Variants in CTSD observed in about 807,000 individuals in gnomAD.
The protein encoded by CTSD is cathepsin D.
In CTSD, 28 loss-of-function variants were observed where a neutral mutation model predicts 43.6. That is an observed-to-expected ratio of 0.64 (90% CI 0.48 to 0.88). The LOEUF (loss-of-function observed/expected upper bound fraction) is 0.88. Ranked by LOEUF, CTSD falls within the 40% of genes least tolerant of loss-of-function variation. CTSD has a pLI of 0.00. For missense variants in CTSD, 485 were observed against 555.2 expected (o/e 0.87, Z 1.27); for synonymous variants, 270 against 249.8 (o/e 1.08, Z -0.76).
intron 1 of CTSD, chr11:1,761,932 C>T (rs906918489): frequency 1.3e-5 from 3 of 226,368 alleles, no homozygotes; most frequent in African/African-American, 6.8e-5. Flanking sequence ...CCCCATCACA[C>T]CTGCTCTCCA....
chr11:1,762,855 T>C (rs1845899241), intron 1 of CTSD, among the ~76,000 whole-genome samples: 1 of 152,182 alleles, frequency 6.6e-6, no homozygotes. Context: ...CCCACAGCCT[T>C]TGGTGAGGCT....
chr11:1,754,608 T>C (rs768270682), intron 6 of CTSD, among the ~76,000 whole-genome samples: 1 of 79,088 alleles, frequency 1.3e-5, no homozygotes, highest in Non-Finnish European at 2.5e-5. Context: ...GATGAGGGGA[T>C]GGAGGGGATG....
At chr11:1,754,408 G>GCATAGAGGGATGGAGGGGATGGAGGGC (rs74220883) in intron 6 of CTSD, among the ~76,000 whole-genome samples, 1 of 123,608 alleles carries the variant, frequency 8.1e-6, no homozygotes. Context: ...GGATGGAGGG[G>GCATAGAGGGATGGAGGGGATGGAGGGC]ATGAAGGGAT....
chr11:1,763,913 G>C lies in CTSD; in HGVS notation c.-54C>G. 2.7e-6 allele frequency: 4 copies of C among 1,462,268 alleles called. No individual in the cohort carries two copies. Among genetic ancestry groups the C allele is most frequent in the Non-Finnish European group, 2.7e-6 (3 of 1,094,842 alleles). 90.6% of individuals were successfully genotyped at this position (1,462,268 alleles called of 1,614,324 possible). On this transcript the variant is annotated 5_prime_UTR_variant, in exon 1 of 9. In the 5' UTR this introduces an upstream ATG that the reference lacks. Transcript: ENST00000236671. ...GCCGAGGCCGTGCGCTTATAGCCGGGATGACGCCGCAGTTGGGCCGGATCA... is the reference window on the plus strand; with the variant it reads ...GCCGAGGCCGTGCGCTTATAGCCGGCATGACGCCGCAGTTGGGCCGGATCA...
In CTSD at chr11:1,763,914, A is replaced by C; in HGVS notation, c.-55T>G. On this transcript the variant is annotated 5_prime_UTR_variant, in exon 1 of 9. Transcript: ENST00000236671. The stretch of plus-strand genomic sequence containing the variant: ...CCGAGGCCGTGCGCTTATAGCCGGG[A>C]TGACGCCGCAGTTGGGCCGGATCAG... 1 of 1,459,624 alleles carries C rather than the reference A, an allele frequency of 6.9e-7. No homozygotes were observed. Among genetic ancestry groups the C allele is most frequent in the South Asian group, 1.3e-5 (1 of 79,748 alleles). 90.4% of individuals were successfully genotyped at this position (1,459,624 alleles called of 1,614,324 possible). A position where few individuals can be genotyped will look rare whatever the true frequency, so the allele number is the denominator to read the frequency against.
Position 1,759,627 on chromosome 11 carries a change from C to T in CTSD, c.241G>A (p.Gly81Arg), listed in dbSNP as rs199551387. Residue 81 changes from glycine (G) to arginine (R), a missense_variant, in exon 3 of 9, where the codon GGG (glycine) becomes AGG (arginine). Transcript: ENST00000236671. The stretch of plus-strand genomic sequence containing the variant: ...GGGGGCGTCCCGATGCCAATCTCCC[C>T]GTAGTACTGGGCCTGGCAGGGGACA... ...LKNYMDAQYY[G>R]EIGIGTPPQC... The T allele has an allele frequency of 2.0e-5, 33 of 1,613,218 alleles. No individual in the cohort carries two copies. The highest frequency in any genetic ancestry group is 1.7e-5 in the Admixed American group (1 of 60,010).
At chr11:1,755,847 CTT>C (rs1162959049) in intron 5 of CTSD, among the ~76,000 whole-genome samples, 1 of 152,164 alleles carries the variant, frequency 6.6e-6, no homozygotes, top group Non-Finnish European at 1.5e-5. Flanking sequence ...GCCTTTGCCT[CTT>C]GTCAACACCT....
In CTSD at chr11:1,754,137, C is replaced by T. The variant is rs372319807; in HGVS notation, c.829G>A (p.Val277Met). 2.5e-6 allele frequency: 4 copies of T among 1,608,386 alleles called. No homozygotes were observed. Among genetic ancestry groups the T allele is most frequent in the East Asian group, 2.2e-5 (1 of 44,840 alleles). Residue 277 changes from valine (V) to methionine (M), a missense_variant and splice_region_variant, in exon 7 of 9, where the codon GTG (valine) becomes ATG (methionine). Coordinates refer to ENST00000236671, the MANE Select transcript of CTSD (RefSeq NM_001909.5). ...AGGGTCAGCCCGCTGGCCACCTCCA[C>T]CCTGCGGGGAGTCAGGGCGTGAAGC... ...KAYWQVHLDQ[V>M]EVASGLTLCK...
In CTSD at chr11:1,757,876, C is replaced by T. The variant is rs144521721; in HGVS notation, c.472-320G>A. ...TCCCACCACCAATGACAGGCAGGTC[C>T]TGCTCCTGCCCTCAGCGCTGGGAAC... is the stretch of plus-strand genomic sequence containing the variant. On this transcript the variant is annotated intron_variant, in intron 4 of 8. Transcript: ENST00000236671. The T allele has an allele frequency of 2.6e-3, 1,135 of 435,090 alleles. 2 individuals are homozygous for T. The highest frequency in any genetic ancestry group is 4.0e-3 in the Non-Finnish European group (918 of 232,186). 27.0% of individuals were successfully genotyped at this position (435,090 alleles called of 1,614,324 possible). A position where few individuals can be genotyped will look rare whatever the true frequency, so the allele number is the denominator to read the frequency against.
At chr11:1,760,951 G>T in intron 2 of CTSD, 1 of 354,870 alleles carries the variant, frequency 2.8e-6, no homozygotes, top group Non-Finnish European at 5.5e-6. Flanking sequence ...GGGCTGGGGA[G>T]GCCACGAGTC....
chr11:1,758,944 T>C, intron 4 of CTSD, 25 bp downstream of exon 4: 2 of 1,524,052 alleles, frequency 1.3e-6, no homozygotes. Flanking sequence ...CCTCGAGTCC[T>C]GGGAAAGGCC....
rs199907790 is a variant in CTSD, at chr11:1,754,861, C to T, written c.827+45G>A. 1.2e-4 allele frequency: 187 copies of T among 1,612,708 alleles called. No homozygotes were observed. In the African/African-American group the frequency reaches 2.4e-3, roughly 21 times the overall value. On this transcript the variant is annotated intron_variant, in intron 6 of 8. Transcript: ENST00000236671. ...GTCCTCCAGGGTCTCCGCACACCGC[C>T]CCCGCCCACAGAACCCAGGGGAGCC...
In CTSD at chr11:1,754,015, G is replaced by A. The variant is rs78306946; in HGVS notation, c.951C>T (p.Ala317=). Residue 317 remains alanine, a synonymous_variant, in exon 7 of 9, where the codon GCC becomes GCT. Transcript: ENST00000236671. ...TCACCTCGCCCTGAATCAGCGGCAC[G>A]GCCCCGATGGCCTTCTGCAGCTCGC... ...EVRELQKAIG[A]VPLIQGEYMI... The A allele has an allele frequency of 2.5e-3, 3,667 of 1,479,412 alleles. 120 individuals carry two copies. The East Asian group carries it at 0.086, about 35-fold the overall frequency. The allele number at this position is 1,479,412 out of a possible 1,614,324, so 91.6% of individuals were successfully genotyped here. A position where few individuals can be genotyped will look rare whatever the true frequency, so the allele number is the denominator to read the frequency against.
At chr11:1,758,344 C>T (rs141767667) in intron 4 of CTSD, among the ~76,000 whole-genome samples, 248 of 152,282 alleles carry the variant, frequency 1.6e-3, no homozygotes, top group Middle Eastern at 3.4e-3. Flanking sequence ...TCCTGAACCC[C>T]TTGTGGCCTG....
chr11:1,754,269 C>T (rs569157908), intron 6 of CTSD, 131 bp from the exon 7 acceptor site: 77 of 1,057,384 alleles, frequency 7.3e-5, no homozygotes, highest in African/African-American at 2.8e-4. Context: ...GAAGCACAGC[C>T]GGCTGTAAGC....
At chr11:1,759,888 C>A (rs1181004154) in intron 2 of CTSD, among the ~76,000 whole-genome samples, 1 of 152,228 alleles carries the variant, frequency 6.6e-6, no homozygotes, top group Non-Finnish European at 1.5e-5. Flanking sequence ...TGTCACCTAC[C>A]CCTGCTCAAT....
At chr11:1,763,550 G>T (rs1215776645) in intron 1 of CTSD, 2 of 505,112 alleles carry the variant, frequency 4.0e-6, no homozygotes, top group African/African-American at 4.1e-5. Flanking sequence ...ACAACCCAGG[G>T]TGGCATATGG....
intron 6 of CTSD, 87 bp downstream of exon 6, chr11:1,754,819 C>T: frequency 6.3e-7 from 1 of 1,580,774 alleles, no homozygotes; most frequent in Non-Finnish European, 8.7e-7. Flanking sequence ...CATGCAACCC[C>T]CACCTGCAGA....
At position 1,754,906 on chromosome 11, in the gene CTSD, T is replaced by A. The variant is rs1286930024; in HGVS notation, c.827A>T (p.Gln276Leu). The A allele has an allele frequency of 6.2e-7, 1 of 1,613,656 alleles. No homozygotes were observed. The highest frequency in any genetic ancestry group is 2.2e-5 in the East Asian group (1 of 44,884). ...RKAYWQVHLD[Q>L]VEVASGLTLC... ...GGAGCCGACTGCAGCCACTACTCAC[T>A]GGTCCAGGTGGACCTGCCAGTAGGC... is the stretch of plus-strand genomic sequence containing the variant. The change falls in exon 6 of 9, where the codon CAG becomes CTG. Residue 276 changes from glutamine to leucine, a missense_variant and splice_region_variant. By Grantham distance (113) the Gln-to-Leu change is moderately radical. Coordinates refer to ENST00000236671, the MANE Select transcript of CTSD (RefSeq NM_001909.5).
Sources: allele counts gnomAD v4.1 joint callset (sites outside exome capture counted in the v4.1 genomes callset), GRCh38; gene constraint gnomAD v4.1.1; transcripts MANE v1.5; gene names NCBI Gene and HGNC (gene_info 2026-07-23, HGNC 2026-07-21).